MED13: variants seen among roughly 807,000 people sequenced by gnomAD.
MED13 encodes the protein mediator complex subunit 13.
MED13 carries 23 observed loss-of-function variants against 225.2 expected under a neutral mutation model. The ratio of observed to expected loss-of-function variants is 0.10; its 90% CI spans 0.07 to 0.14. MED13 has a LOEUF of 0.14. MED13 is among the 10% of genes least tolerant of loss of function. MED13 has a pLI of 1.00. For synonymous variants in MED13, 942 were observed against 889.2 expected, an observed-to-expected ratio of 1.06 and a Z score of -1.06; for missense variants, 2,197 against 2,594.5, an observed-to-expected ratio of 0.85 and a Z score of 3.33.
At chr17:62,047,038 T>C (rs2080904120) in intron 3 of MED13, among the ~76,000 whole-genome samples, 1 of 151,440 alleles carries the variant, frequency 6.6e-6, no homozygotes, top group Admixed American at 6.6e-5. Flanking sequence ...CCCAGCTTTT[T>C]TTTTTTTTTA....
At chr17:62,037,993 C>T (rs975823988) in intron 3 of MED13, among the ~76,000 whole-genome samples, 2 of 137,592 alleles carry the variant, frequency 1.5e-5, no homozygotes, top group Non-Finnish European at 3.1e-5. Flanking sequence ...AAAGACACAG[C>T]GGCTAGGAGA....
chr17:62,007,749 G>C (rs2080464907), intron 9 of MED13, among the ~76,000 whole-genome samples: 1 of 152,126 alleles, frequency 6.6e-6, no homozygotes, highest in Non-Finnish European at 1.5e-5. Flanking sequence ...TTGGGAGGCT[G>C]AGGCAGGAAA....
intron 11 of MED13, 25 bp from the exon 12 acceptor site, chr17:61,987,153 A>C (rs1490265278): frequency 1.2e-5 from 18 of 1,560,718 alleles, no homozygotes; most frequent in Non-Finnish European, 1.6e-5. Context: ...CAGAAAAATA[A>C]AATTAAAACT....
intron 3 of MED13, among the ~76,000 whole-genome samples, chr17:62,044,392 C>T (rs768055301): frequency 2.3e-4 from 35 of 152,150 alleles, no homozygotes; most frequent in Non-Finnish European, 4.6e-4. Context: ...TGGCCATTAA[C>T]AACAGCCATC....
At chr17:61,978,964 A>T (rs1280997570) in intron 16 of MED13, among the ~76,000 whole-genome samples, 1 of 152,218 alleles carries the variant, frequency 6.6e-6, no homozygotes, top group East Asian at 1.9e-4. Context: ...CCCAAGAACT[A>T]GAACATTACC....
At chr17:61,975,363 T>C (rs2080145522) in intron 16 of MED13, among the ~76,000 whole-genome samples, 1 of 152,148 alleles carries the variant, frequency 6.6e-6, no homozygotes, top group African/African-American at 2.4e-5. Context: ...ATCTTCAACA[T>C]TATTAGTCAT....
In MED13 at chr17:61,950,960, A is replaced by G; in HGVS notation, c.6156T>C (p.His2052=). 6.2e-7 allele frequency: 1 copy of G among 1,613,858 alleles called. No homozygotes were observed. Among genetic ancestry groups the G allele is most frequent in the Non-Finnish European group, 8.5e-7 (1 of 1,179,810 alleles). The part of the protein sequence containing the change: ...STDRLLSTEP[H]EEVPNILQQP... Reference sequence around the variant, plus strand: ...GCTGAAGAATATTAGGTACTTCCTCATGAGGTTCTGTTGATAGTAGCCGAT... The same window carrying G: ...GCTGAAGAATATTAGGTACTTCCTCGTGAGGTTCTGTTGATAGTAGCCGAT... The change falls in exon 28 of 30, where the codon CAT becomes CAC. Residue 2052 remains histidine, a synonymous_variant. Coordinates refer to ENST00000397786, the MANE Select transcript of MED13 (RefSeq NM_005121.3).
intron 15 of MED13, 67 bp from the exon 16 acceptor site, chr17:61,983,181 C>A: frequency 6.4e-6 from 8 of 1,245,374 alleles, no homozygotes; most frequent in Non-Finnish European, 8.6e-6. Context: ...ATGTGAAATA[C>A]AACTAAAAAC....
At chr17:61,958,687 G>A (rs1035999705) in intron 23 of MED13, among the ~76,000 whole-genome samples, 6 of 151,894 alleles carry the variant, frequency 4.0e-5, no homozygotes, top group African/African-American at 1.5e-4. Flanking sequence ...TGGCCAGGCT[G>A]GTCTCAAACT....
intron 3 of MED13, 73 bp from the exon 4 acceptor site, chr17:62,035,681 G>A (rs768936176): frequency 1.4e-6 from 2 of 1,442,678 alleles, no homozygotes; most frequent in Admixed American, 2.6e-5. Flanking sequence ...TTCTTTATTA[G>A]GAAGTATGCA....
intron 3 of MED13, among the ~76,000 whole-genome samples, chr17:62,040,333 C>T (rs2080842742): frequency 6.6e-6 from 1 of 152,018 alleles, no homozygotes; most frequent in South Asian, 2.1e-4. Context: ...GCTCACACTA[C>T]AATATCTAAA....
At position 61,965,210 on chromosome 17, in the gene MED13, T is replaced by C. The variant is rs1305350974; in HGVS notation, c.4640A>G (p.Asn1547Ser). 6.2e-7 allele frequency: 1 copy of C among 1,614,218 alleles called. No individual in the cohort carries two copies. The highest frequency in any genetic ancestry group is 8.5e-7 in the Non-Finnish European group (1 of 1,180,036). The change falls in exon 20 of 30, where the codon AAT becomes AGT. Residue 1547 changes from asparagine (N) to serine (S), a missense_variant. By Grantham distance (46) the Asn-to-Ser change is conservative (BLOSUM62 1). Transcript: ENST00000397786. The part of the protein sequence containing the change: ...STSSSSSSNL[N>S]SGVSSNKLPS... ...TAGTTTATTTGATGATACTCCACTA[T>C]TCAAGTTGGAGGATGATGAAGATGA...
chr17:62,000,562 A>G (rs1230670399), intron 9 of MED13, among the ~76,000 whole-genome samples: 2 of 152,204 alleles, frequency 1.3e-5, no homozygotes, highest in Non-Finnish European at 2.9e-5. Context: ...CATCTAATTA[A>G]GGTGGAAAAA....
intron 2 of MED13, among the ~76,000 whole-genome samples, chr17:62,056,340 T>A (rs191633606): frequency 6.6e-6 from 1 of 152,280 alleles, no homozygotes; most frequent in African/African-American, 2.4e-5. Context: ...TTGAAACAAG[T>A]TCTTGAATCT....
intron 16 of MED13, among the ~76,000 whole-genome samples, chr17:61,976,907 G>C (rs900478730): frequency 6.6e-6 from 1 of 152,088 alleles, no homozygotes; most frequent in Non-Finnish European, 1.5e-5. Flanking sequence ...ACTCCAGCCT[G>C]GGCAACAGAG....
At chr17:61,971,595 C>T (rs1456457568) in intron 17 of MED13, among the ~76,000 whole-genome samples, 1 of 152,038 alleles carries the variant, frequency 6.6e-6, no homozygotes. Context: ...GCCACCACGC[C>T]GGCTACCATC....
At chr17:61,993,653 G>T (rs1234486356) in intron 10 of MED13, among the ~76,000 whole-genome samples, 2 of 152,024 alleles carry the variant, frequency 1.3e-5, no homozygotes, top group African/African-American at 4.8e-5. Flanking sequence ...TTGGGGGCCA[G>T]GCACGGTGGC....
At chr17:62,051,082 GTATC>G (rs749031075) in intron 3 of MED13, among the ~76,000 whole-genome samples, 1 of 152,080 alleles carries the variant, frequency 6.6e-6, no homozygotes, top group Non-Finnish European at 1.5e-5. Flanking sequence ...TTGATCTTTG[GTATC>G]TATCTAATAT....
intron 20 of MED13, among the ~76,000 whole-genome samples, chr17:61,963,771 T>C (rs1051416478): frequency 2.0e-5 from 3 of 152,164 alleles, no homozygotes; most frequent in Non-Finnish European, 4.4e-5. Flanking sequence ...CATATGAGTA[T>C]AATTTTGGGC....
Sources: gnomAD v4.1 joint callset for allele counts (sites outside exome capture counted in the v4.1 genomes callset) on GRCh38, gnomAD v4.1.1 for gene constraint, MANE v1.5 for transcripts, NCBI Gene and HGNC (gene_info 2026-07-23, HGNC 2026-07-21) for gene names.